The following ABR variants were observed in gnomAD, a reference collection of about 807,000 sequenced individuals.
The protein encoded by ABR is active breakpoint cluster region-related protein.
Under a neutral mutation model 107.2 loss-of-function variants are expected in ABR, and 35 were observed. The observed-to-expected ratio is 0.33, with a 90% CI of 0.25 to 0.43. The LOEUF (loss-of-function observed/expected upper bound fraction) is 0.43. Among genes scored for constraint, ABR ranks in the 20% least tolerant of loss-of-function variants. The probability of loss-of-function intolerance (pLI) is 1.00; values close to 1 mark genes in which losing one functional copy is unlikely to be tolerated. For synonymous variants in ABR, 498 were observed against 462.0 expected, an observed-to-expected ratio of 1.08 and a Z score of -1.00; for missense variants, 815 against 1,115.2, an observed-to-expected ratio of 0.73 and a Z score of 3.83.
At chr17:1,073,554 CCT>C in intron 7 of ABR, 69 bp downstream of exon 7, 1 of 1,288,492 alleles carries the variant, frequency 7.8e-7, no homozygotes, top group Non-Finnish European at 1.0e-6. Context: ...ACTCCAGCAC[CCT>C]CTCACCCAGG....
chr17:1,098,636 C>A (rs927237735), intron 3 of ABR, among the ~76,000 whole-genome samples: 1 of 152,214 alleles, frequency 6.6e-6, no homozygotes, highest in Non-Finnish European at 1.5e-5. Context: ...CAGTGCAATA[C>A]GCCTGCTCTT....
Position 1,157,420 on chromosome 17 carries a change from T to A in ABR, c.61+22247A>T, listed in dbSNP as rs1226098145. On this transcript the variant is annotated intron_variant, in intron 1 of 22. Coordinates refer to ENST00000302538, the MANE Select transcript of ABR (RefSeq NM_021962.5). This position sits in a 1 kb window ranked among gnomAD's most constrained non-coding sequence, Gnocchi z 4.7. ...TGTGCGCCACCACGCCCGGCTAATT[T>A]TTATATTTTTAATAGAGACAGGGTC... is the stretch of plus-strand genomic sequence containing the variant. Among the ~76,000 whole-genome samples, 1 of 152,040 alleles carries A rather than the reference T, an allele frequency of 6.6e-6. No individual in the cohort carries two copies. The highest frequency in any genetic ancestry group is 6.6e-5 in the Admixed American group (1 of 15,266).
At position 1,056,907 on chromosome 17, in the gene ABR, G is replaced by A. The variant is rs77593541; in HGVS notation, c.1486+91C>T. ...GCCGAGCAGGGATCAGCCATTTACA[G>A]CCACATGTCTGTCTGAGTCCTTACG... On this transcript the variant is annotated intron_variant, in intron 13 of 22. Coordinates refer to ENST00000302538, the MANE Select transcript of ABR (RefSeq NM_021962.5). 5.1e-3 allele frequency: 4,307 copies of A among 843,758 alleles called. 129 individuals carry two copies. In the African/African-American group the frequency reaches 0.063, roughly 12 times the overall value. The allele number at this position is 843,758 out of a possible 1,614,324, so 52.3% of individuals were successfully genotyped here.
chr17:1,045,142 G>C lies in ABR; in HGVS notation c.1791+4908C>G, dbSNP rs139647856. The stretch of plus-strand genomic sequence containing the variant: ...CTTCGGAGGAGCCGGAGGAAGGATG[G>C]TTTCTGATTAGGTTTCAAGTCTCTT... On this transcript the variant is annotated intron_variant, in intron 16 of 22. Transcript: ENST00000302538. Among the ~76,000 whole-genome samples, 5 of 152,332 alleles carry C rather than the reference G, an allele frequency of 3.3e-5. No individual in the cohort carries two copies. In the East Asian group the frequency reaches 9.6e-4, roughly 29 times the overall value.
At chr17:1,221,490 C>T (rs547888713) in intron 1 of ABR, among the ~76,000 whole-genome samples, 4 of 152,328 alleles carry the variant, frequency 2.6e-5, no homozygotes, top group East Asian at 3.9e-4. Flanking sequence ...ACCATACTCT[C>T]GGCCGGACTG....
At chr17:1,089,996 C>T (rs1186525866) in intron 4 of ABR, among the ~76,000 whole-genome samples, 1 of 152,170 alleles carries the variant, frequency 6.6e-6, no homozygotes, top group East Asian at 1.9e-4. Context: ...CCTCCTGGAA[C>T]TTGTGGTTTG....
rs79616683 is a variant in ABR at position 1,061,561 on chromosome 17, G to T, written c.1183-2694C>A. Among the ~76,000 whole-genome samples, 103 of 17,186 alleles carry T rather than the reference G, an allele frequency of 6.0e-3. 1 individual carries two copies. The highest frequency in any genetic ancestry group is 0.036 in the Middle Eastern group (1 of 28). 11.3% of individuals were successfully genotyped at this position (17,186 alleles called of 152,430 possible). ...GTTTACTAAGTGCCTTTTTTTTTTT[G>T]AGATGGAGTCCCACTCACTCTGTTG... On this transcript the variant is annotated intron_variant, in intron 10 of 22. Coordinates refer to ENST00000302538, the MANE Select transcript of ABR (RefSeq NM_021962.5).
chr17:1,121,899 G>A, intron 2 of ABR, among the ~76,000 whole-genome samples: 1 of 152,136 alleles, frequency 6.6e-6, no homozygotes, highest in East Asian at 1.9e-4. Context: ...CAGCTAAAGA[G>A]TAGATTTTCT....
chr17:1,176,572 G>A (rs746544708), intron 1 of ABR, among the ~76,000 whole-genome samples: 1 of 152,222 alleles, frequency 6.6e-6, no homozygotes, highest in African/African-American at 2.4e-5. Flanking sequence ...CAGGCCGGGC[G>A]CAGTGGCTCA....
chr17:1,212,924 T>C (rs1383036325), intron 1 of ABR, among the ~76,000 whole-genome samples: 5 of 151,210 alleles, frequency 3.3e-5, no homozygotes, highest in Non-Finnish European at 5.9e-5. Flanking sequence ...AAGAGATACT[T>C]GGGGAGAAGC....
At chr17:1,221,580 T>C (rs1192683846) in intron 1 of ABR, among the ~76,000 whole-genome samples, 1 of 152,198 alleles carries the variant, frequency 6.6e-6, no homozygotes, top group Non-Finnish European at 1.5e-5. Flanking sequence ...TTTTGTCATA[T>C]ACAGCAAACC....
chr17:1,013,043 C>T, intron 17 of ABR, 62 bp downstream of exon 17: 1 of 1,592,004 alleles, frequency 6.3e-7, no homozygotes, highest in Non-Finnish European at 8.6e-7. Context: ...GGGCTGCCCA[C>T]CTGCTGCACA....
At position 1,003,596 on chromosome 17, in the gene ABR, A is replaced by C. The variant is rs1039283919; in HGVS notation, c.*2484T>G. ...CACGTGGTTTACATCAATTTATAATAATCTACATAAGTTGAAACAGAACAT... is the reference window on the plus strand; with the variant it reads ...CACGTGGTTTACATCAATTTATAATCATCTACATAAGTTGAAACAGAACAT... On this transcript the variant is annotated 3_prime_UTR_variant, in exon 23 of 23. Transcript: ENST00000302538. The C allele has an allele frequency of 6.6e-6, 1 of 152,638 alleles. No homozygotes were observed. The highest frequency in any genetic ancestry group is 2.4e-5 in the African/African-American group (1 of 41,462). The allele number at this position is 152,638 out of a possible 1,614,324, so 9.5% of individuals were successfully genotyped here.
At chr17:1,161,874 G>C (rs1415496530) in intron 1 of ABR, among the ~76,000 whole-genome samples, 1 of 152,112 alleles carries the variant, frequency 6.6e-6, no homozygotes, top group African/African-American at 2.4e-5. Flanking sequence ...TCCTTTTACA[G>C]CCGGGCCGAA....
intron 1 of ABR, among the ~76,000 whole-genome samples, chr17:1,146,982 A>G (rs1017208013): frequency 1.3e-5 from 2 of 152,202 alleles, no homozygotes; most frequent in Non-Finnish European, 2.9e-5. Flanking sequence ...ACCTGCCACT[A>G]TGTGGTCAAC....
intron 1 of ABR, among the ~76,000 whole-genome samples, chr17:1,175,908 G>A (rs1013807983): frequency 3.9e-5 from 6 of 152,084 alleles, no homozygotes; most frequent in East Asian, 1.9e-4. Context: ...TGGCCAACAC[G>A]GTGAAACCCC....
At chr17:1,228,041 A>G (rs1389068960) in intron 1 of ABR, 3 of 152,172 alleles carry the variant, frequency 2.0e-5, no homozygotes, top group Non-Finnish European at 4.4e-5. Flanking sequence ...AGCTCACCCC[A>G]ACGAGCACTT....
chr17:1,163,092 TA>T (rs1267583186), intron 1 of ABR, among the ~76,000 whole-genome samples: 1 of 152,140 alleles, frequency 6.6e-6, no homozygotes, highest in East Asian at 1.9e-4. Flanking sequence ...ACATGAACAT[TA>T]ATCTTTTGCT....
intron 10 of ABR, among the ~76,000 whole-genome samples, chr17:1,064,515 C>T (rs372553686): frequency 7.7e-6 from 1 of 129,608 alleles, no homozygotes. Flanking sequence ...GAACTGAGGG[C>T]TATGCATGTT....
Sources: allele counts gnomAD v4.1 joint callset (sites outside exome capture counted in the v4.1 genomes callset), GRCh38; gene constraint gnomAD v4.1.1; non-coding constraint Gnocchi (gnomAD v3.1); transcripts MANE v1.5; gene names NCBI Gene and HGNC (gene_info 2026-07-23, HGNC 2026-07-21).